Variants in ATXN7 observed in about 807,000 individuals in gnomAD.
ATXN7 encodes the protein ataxin-7.
A neutral mutation model predicts 70.5 loss-of-function variants in ATXN7; 12 were observed. The observed-to-expected ratio is 0.17, with a 90% confidence interval of 0.11 to 0.28. ATXN7 has a LOEUF of 0.28. Among genes scored for constraint, ATXN7 ranks in the 10% least tolerant of loss-of-function variants. ATXN7 has a pLI of 1.00. For synonymous variants in ATXN7, 498 were observed against 448.7 expected (o/e 1.11, Z -1.39); for missense variants, 1,256 against 1,131.7 (o/e 1.11, Z -1.58).
At chr3:63,986,475 T>C (rs1448714447) in intron 8 of ATXN7, among the ~76,000 whole-genome samples, 2 of 152,222 alleles carry the variant, frequency 1.3e-5, no homozygotes, top group Non-Finnish European at 2.9e-5. Flanking sequence ...GAGAGGTTTA[T>C]ACATCTGCTT....
At chr3:63,982,909 C>A in intron 7 of ATXN7, 30 bp from the exon 8 acceptor site, 1 of 1,556,520 alleles carries the variant, frequency 6.4e-7, no homozygotes, top group Admixed American at 1.7e-5. Context: ...GTTTGTCAGG[C>A]CACATGTAAT....
At chr3:63,884,499 A>G (rs1195438510) in intron 1 of ATXN7, among the ~76,000 whole-genome samples, 1 of 152,222 alleles carries the variant, frequency 6.6e-6, no homozygotes, top group African/African-American at 2.4e-5. Context: ...ATAAATATCC[A>G]TGAGGCCATA....
chr3:63,994,890 A>G (rs1004328682), intron 11 of ATXN7, among the ~76,000 whole-genome samples: 3 of 152,358 alleles, frequency 2.0e-5, no homozygotes, highest in East Asian at 1.9e-4. Flanking sequence ...TTGCCCACAC[A>G]TTCTTAACAG....
intron 1 of ATXN7, among the ~76,000 whole-genome samples, chr3:63,869,346 A>T (rs1575828529): frequency 6.6e-6 from 1 of 152,358 alleles, no homozygotes; most frequent in South Asian, 2.1e-4. Context: ...CCTAGTAAGT[A>T]CTCAGAAAGT....
intron 2 of ATXN7, among the ~76,000 whole-genome samples, chr3:63,902,829 TTAGAG>T (rs1703694702): frequency 1.3e-5 from 2 of 152,142 alleles, no homozygotes; most frequent in Admixed American, 1.3e-4. Context: ...CAATATTAGT[TTAGAG>T]TTTCTTCTTC....
At chr3:63,937,032 A>G (rs1041291063) in intron 4 of ATXN7, among the ~76,000 whole-genome samples, 5 of 152,230 alleles carry the variant, frequency 3.3e-5, no homozygotes, top group African/African-American at 7.2e-5. Flanking sequence ...CTAAAAAATA[A>G]GAGTGAAAAT....
At chr3:63,927,933 G>A (rs1218158067) in intron 4 of ATXN7, among the ~76,000 whole-genome samples, 1 of 152,138 alleles carries the variant, frequency 6.6e-6, no homozygotes, top group African/African-American at 2.4e-5. Context: ...TTTGGTAGAT[G>A]TTTTCTTAAA....
At chr3:63,942,511 G>A (rs988841873) in intron 4 of ATXN7, among the ~76,000 whole-genome samples, 3 of 151,990 alleles carry the variant, frequency 2.0e-5, no homozygotes, top group Non-Finnish European at 2.9e-5. Context: ...TTTGTTCACC[G>A]ATATATTTAC....
At chr3:63,885,712 G>T (rs1423337703) in intron 1 of ATXN7, among the ~76,000 whole-genome samples, 2 of 152,148 alleles carry the variant, frequency 1.3e-5, no homozygotes, top group Non-Finnish European at 2.9e-5. Flanking sequence ...ATGGATGAAT[G>T]GATACAGAAA....
chr3:63,962,154 C>CA lies in ATXN7; in HGVS notation c.499+9672dup, dbSNP rs548657911. Among the ~76,000 whole-genome samples, 19 of 152,236 alleles carry CA rather than the reference C, an allele frequency of 1.2e-4. No individual in the cohort carries two copies. The South Asian group carries it at 2.9e-3, about 23-fold the overall frequency. ...AAATTTAGCTATTTCCCTCATCCCA[C>CA]ATTTTGTATGTAGAAATCCCACTCT... On this transcript the variant is annotated intron_variant, in intron 5 of 12. Coordinates refer to ENST00000674280, the MANE Select transcript of ATXN7 (RefSeq NM_001377405.1).
intron 1 of ATXN7, among the ~76,000 whole-genome samples, chr3:63,884,269 ACT>A (rs376194776): frequency 3.3e-5 from 5 of 149,958 alleles, no homozygotes; most frequent in Non-Finnish European, 4.5e-5. Flanking sequence ...ACACTCATTC[ACT>A]CTCTCTCTCT....
At chr3:63,997,812 T>A in intron 12 of ATXN7, 1 of 1,462,464 alleles carries the variant, frequency 6.8e-7, no homozygotes, top group Non-Finnish European at 9.0e-7. Flanking sequence ...TAGTGTGATA[T>A]AATTTTCCTC....
chr3:63,977,432 G>T (rs1287900176), intron 5 of ATXN7, among the ~76,000 whole-genome samples: 1 of 152,152 alleles, frequency 6.6e-6, no homozygotes, highest in Non-Finnish European at 1.5e-5. Flanking sequence ...AAAAGTCAGA[G>T]TTCTAGTTGA....
At chr3:63,938,793 A>T (rs1232707462) in intron 4 of ATXN7, among the ~76,000 whole-genome samples, 1 of 152,216 alleles carries the variant, frequency 6.6e-6, no homozygotes, top group African/African-American at 2.4e-5. Context: ...TCTTTTGGAC[A>T]CAGGAGATTT....
At chr3:63,884,233 A>ATACTCT in intron 1 of ATXN7, among the ~76,000 whole-genome samples, 1 of 141,622 alleles carries the variant, frequency 7.1e-6, no homozygotes, top group South Asian at 2.2e-4. Flanking sequence ...ACACACACAC[A>ATACTCT]CACACACATA....
chr3:63,983,629 C>T (rs551674147), intron 8 of ATXN7, among the ~76,000 whole-genome samples: 1 of 151,744 alleles, frequency 6.6e-6, no homozygotes, highest in Non-Finnish European at 1.5e-5. Flanking sequence ...AAAAAAAAAA[C>T]TAGATAAAAT....
At chr3:63,935,606 T>A (rs1300258063) in intron 4 of ATXN7, among the ~76,000 whole-genome samples, 1 of 152,190 alleles carries the variant, frequency 6.6e-6, no homozygotes, top group Admixed American at 6.5e-5. Flanking sequence ...GCTCAGTGAC[T>A]GGAACATACT....
At position 63,996,361 on chromosome 3, in the gene ATXN7, A is replaced by C. The variant is rs535264105; in HGVS notation, c.2539A>C (p.Asn847His). The part of the protein sequence containing the change: ...RKCSPSSSSI[N>H]NSSSKPTKVA... Reference sequence around the variant, plus strand: ...GTGCTCACCCAGCTCGAGCAGCATCAACAACAGCAGCAGCAAACCCACAAA... The same window carrying C: ...GTGCTCACCCAGCTCGAGCAGCATCCACAACAGCAGCAGCAAACCCACAAA... Residue 847 changes from asparagine to histidine, a missense_variant, in exon 12 of 13, where the codon AAC becomes CAC. Transcript: ENST00000674280. 1.2e-6 allele frequency: 2 copies of C among 1,614,172 alleles called. No individual in the cohort carries two copies. Among genetic ancestry groups the C allele is most frequent in the African/African-American group, 2.7e-5 (2 of 75,056 alleles).
chr3:63,905,234 C>T (rs1045982360), intron 2 of ATXN7: 9 of 151,574 alleles, frequency 5.9e-5, no homozygotes, highest in African/African-American at 1.2e-4. Flanking sequence ...TTTTTTGAGA[C>T]GGAGTCTTAT....
Sources: allele counts gnomAD v4.1 joint callset (sites outside exome capture counted in the v4.1 genomes callset), GRCh38; gene constraint gnomAD v4.1.1; transcripts MANE v1.5; gene names NCBI Gene and HGNC (gene_info 2026-07-23, HGNC 2026-07-21).